The following NR3C1 variants were observed in gnomAD, a reference collection of about 807,000 sequenced individuals.
NR3C1 encodes the protein glucocorticoid receptor.
NR3C1 carries 14 observed loss-of-function variants against 74.0 expected under a neutral mutation model. The ratio of observed to expected loss-of-function variants is 0.19; its 90% CI spans 0.12 to 0.30. The LOEUF is 0.30. Ranked by LOEUF, NR3C1 falls within the 10% of genes least tolerant of loss-of-function variation. The pLI is 1.00. For synonymous variants in NR3C1, 308 were observed against 332.5 expected, an observed-to-expected ratio of 0.93 and a Z score of 0.80; for missense variants, 695 against 909.8, an observed-to-expected ratio of 0.76 and a Z score of 3.04.
intron 4 of NR3C1, among the ~76,000 whole-genome samples, chr5:143,309,453 A>G (rs1027836465): frequency 2.0e-5 from 3 of 152,250 alleles, no homozygotes; most frequent in Non-Finnish European, 2.9e-5. Flanking sequence ...TAGAATCTGC[A>G]AGTGGATATT....
chr5:143,307,766 T>C (rs1819945004), intron 4 of NR3C1, among the ~76,000 whole-genome samples: 1 of 152,216 alleles, frequency 6.6e-6, no homozygotes, highest in African/African-American at 2.4e-5. Context: ...GGTCAAAGTA[T>C]ATTACATACA....
chr5:143,340,760 C>CCCGGCCAA (rs1828055265), intron 2 of NR3C1, among the ~76,000 whole-genome samples: 3 of 152,118 alleles, frequency 2.0e-5, no homozygotes, highest in African/African-American at 7.2e-5. Context: ...GGGTTACAGA[C>CCCGGCCAA]ATGGGCCACC....
At chr5:143,336,916 TG>T (rs1827233094) in intron 2 of NR3C1, among the ~76,000 whole-genome samples, 1 of 151,678 alleles carries the variant, frequency 6.6e-6, no homozygotes, top group African/African-American at 2.4e-5. Flanking sequence ...AGGTGGAGGC[TG>T]CAGTGAGCCA....
At chr5:143,421,791 CA>C (rs35555700) in intron 1 of NR3C1, among the ~76,000 whole-genome samples, 10 of 146,744 alleles carry the variant, frequency 6.8e-5, no homozygotes, top group East Asian at 2.0e-4. Context: ...GACTCTATCT[CA>C]AAAAAAAAAG....
Position 143,419,572 on chromosome 5 carries a change from C to T in NR3C1, c.-14+14960G>A, listed in dbSNP as rs189942866. On this transcript the variant is annotated intron_variant, in intron 1 of 8. Transcript: ENST00000343796. ...GGAGACATCACATGTTGGTAGGTTC[C>T]GTGATGCCCCACAAGCCGCAAAACC... Among the ~76,000 whole-genome samples, 33 of 152,130 alleles carry T rather than the reference C, an allele frequency of 2.2e-4. No homozygotes were observed. The East Asian group carries it at 4.8e-3, about 22-fold the overall frequency.
intron 1 of NR3C1, among the ~76,000 whole-genome samples, chr5:143,420,535 GT>G (rs1203350314): frequency 6.6e-6 from 1 of 152,130 alleles, no homozygotes; most frequent in Non-Finnish European, 1.5e-5. Context: ...AATTATAATG[GT>G]TTTCCCTAGA....
intron 2 of NR3C1, among the ~76,000 whole-genome samples, chr5:143,340,462 T>C (rs975400149): frequency 1.0e-4 from 15 of 149,992 alleles, no homozygotes; most frequent in Admixed American, 8.7e-4. Flanking sequence ...GGGTTAGTTA[T>C]CTCTTTAAAG....
intron 2 of NR3C1, among the ~76,000 whole-genome samples, chr5:143,344,564 C>T (rs985375762): frequency 5.3e-5 from 8 of 151,882 alleles, no homozygotes; most frequent in African/African-American, 1.5e-4. Context: ...ATTGTTTTAA[C>T]GTTGATGAGA....
chr5:143,384,457 T>C (rs1836811774), intron 2 of NR3C1, among the ~76,000 whole-genome samples: 1 of 152,168 alleles, frequency 6.6e-6, no homozygotes, highest in South Asian at 2.1e-4. Flanking sequence ...GCAAGTCCAC[T>C]CTGCTTATGA....
chr5:143,300,727 T>C lies in NR3C1; in HGVS notation c.1505A>G (p.Gln502Arg), dbSNP rs1818323169. 6.2e-7 allele frequency: 1 copy of C among 1,613,748 alleles called. No homozygotes were observed. Among genetic ancestry groups the C allele is most frequent in the East Asian group, 2.2e-5 (1 of 44,896 alleles). Reference protein sequence around the residue: ...KTKKKIKGIQQATTGVSQETS... With the variant: ...KTKKKIKGIQRATTGVSQETS... Reference sequence around the variant, plus strand: ...TTCTTGTGAGACTCCTGTAGTGGCCTGCTGAATTCCTTTTATTTTTTTCTT... The same window carrying C: ...TTCTTGTGAGACTCCTGTAGTGGCCCGCTGAATTCCTTTTATTTTTTTCTT... Residue 502 changes from glutamine to arginine, a missense_variant, in exon 5 of 9, where the codon CAG (glutamine) becomes CGG (arginine). Around this residue, in one of 4 missense-constraint regions of NR3C1, gnomAD observed 42 missense variants for 49.3 expected, o/e 0.85. Transcript: ENST00000394464. The surrounding 1 kb of genome is among the most constrained non-coding windows in gnomAD (Gnocchi z 5.2).
intron 7 of NR3C1, 29 bp from the exon 8 acceptor site, chr5:143,282,754 G>T (rs755182003): frequency 6.2e-7 from 1 of 1,600,932 alleles, no homozygotes. Context: ...GTCAGTTAAA[G>T]GATTTTCTTT....
At chr5:143,412,616 A>G (rs1841331591) in intron 1 of NR3C1, among the ~76,000 whole-genome samples, 1 of 152,206 alleles carries the variant, frequency 6.6e-6, no homozygotes, top group Non-Finnish European at 1.5e-5. Flanking sequence ...AACTTCTGGC[A>G]ACCACAGTTT....
chr5:143,322,028 A>G (rs1464962849), intron 2 of NR3C1, among the ~76,000 whole-genome samples: 1 of 152,170 alleles, frequency 6.6e-6, no homozygotes, highest in Non-Finnish European at 1.5e-5. Context: ...TTTGCAAAAG[A>G]ACTCTGAGAC....
chr5:143,382,293 T>C (rs1280433674), intron 2 of NR3C1, among the ~76,000 whole-genome samples: 4 of 152,186 alleles, frequency 2.6e-5, no homozygotes, highest in Admixed American at 6.5e-5. Flanking sequence ...TAAATATATA[T>C]GCCTACTATA....
At chr5:143,338,693 T>A (rs1827637603) in intron 2 of NR3C1, among the ~76,000 whole-genome samples, 1 of 152,208 alleles carries the variant, frequency 6.6e-6, no homozygotes, top group South Asian at 2.1e-4. Context: ...GTTAAAAAAA[T>A]TAAAAGTTTA....
rs1839853473 is a variant in NR3C1, at chr5:143,399,578, A to G, written c.1184+78T>C. ...GCACATGAATCTTTAGAGAACACATATAAATCAATGAAGATTTACATCTAT... is the reference window on the plus strand; with the variant it reads ...GCACATGAATCTTTAGAGAACACATGTAAATCAATGAAGATTTACATCTAT... On this transcript the variant is annotated intron_variant, in intron 2 of 8. Coordinates refer to ENST00000394464, the MANE Select transcript of NR3C1 (RefSeq NM_000176.3). 8 of 1,120,040 alleles carry G rather than the reference A, an allele frequency of 7.1e-6. No homozygotes were observed. In the South Asian group the frequency reaches 7.8e-5, roughly 11 times the overall value. 69.4% of individuals were successfully genotyped at this position (1,120,040 alleles called of 1,614,324 possible).
intron 2 of NR3C1, among the ~76,000 whole-genome samples, chr5:143,327,191 C>A (rs1355657872): frequency 6.6e-6 from 1 of 151,990 alleles, no homozygotes; most frequent in Non-Finnish European, 1.5e-5. Flanking sequence ...GTGGAAGGGG[C>A]AGGGGAAGCA....
intron 2 of NR3C1, among the ~76,000 whole-genome samples, chr5:143,371,429 C>T (rs948735026): frequency 2.0e-5 from 3 of 152,188 alleles, no homozygotes; most frequent in Non-Finnish European, 4.4e-5. Context: ...TTTTCTGTTG[C>T]TCCAGCAGAC....
At chr5:143,331,600 C>T (rs531161729) in intron 2 of NR3C1, among the ~76,000 whole-genome samples, 24 of 152,080 alleles carry the variant, frequency 1.6e-4, no homozygotes, top group Non-Finnish European at 2.2e-4. Context: ...TTCTACACAG[C>T]GATAAAAAGA....
Sources: allele counts gnomAD v4.1 joint callset (sites outside exome capture counted in the v4.1 genomes callset), GRCh38; gene constraint gnomAD v4.1.1; regional missense constraint gnomAD v4.1.1; non-coding constraint Gnocchi (gnomAD v3.1); transcripts MANE v1.5; gene names NCBI Gene and HGNC (gene_info 2026-07-23, HGNC 2026-07-21).